STK32A: variants seen among roughly 807,000 people sequenced by gnomAD.
The protein encoded by STK32A is serine/threonine kinase 32A, also known as serine/threonine-protein kinase 32A.
A neutral mutation model predicts 53.2 loss-of-function variants in STK32A; 41 were observed. The observed-to-expected ratio is 0.77, with a 90% CI of 0.60 to 1.00. The LOEUF (loss-of-function observed/expected upper bound fraction) is 1.00, where lower values mean the gene tolerates loss of function less well. Among genes scored for constraint, STK32A ranks in the 50% least tolerant of loss-of-function variants. The probability of loss-of-function intolerance (pLI) is 0.00; values close to 1 mark genes in which losing one functional copy is unlikely to be tolerated. For synonymous variants in STK32A, 166 were observed against 162.8 expected, an observed-to-expected ratio of 1.02 and a Z score of -0.15; for missense variants, 458 against 485.8, an observed-to-expected ratio of 0.94 and a Z score of 0.54.
At chr5:147,396,537 T>C in the STK32A span, among the ~76,000 whole-genome samples, 1 of 152,126 alleles carries the variant, frequency 6.6e-6, no homozygotes, top group South Asian at 2.1e-4. Context: ...GGATGGATCA[T>C]CACAAGAAGT....
intron 5 of STK32A, among the ~76,000 whole-genome samples, chr5:147,339,872 GT>G (rs112811634): frequency 0.11 from 16,415 of 152,204 alleles, 2,913 homozygotes; most frequent in African/African-American, 0.37. Flanking sequence ...TATCTAAGAA[GT>G]AACTAACTTA....
chr5:147,295,969 T>A (rs923642306), intron 4 of STK32A, among the ~76,000 whole-genome samples: 13 of 152,240 alleles, frequency 8.5e-5, no homozygotes, highest in African/African-American at 3.1e-4. Flanking sequence ...AAGGTAGGAC[T>A]TGTATAGATT....
chr5:147,313,175 C>T (rs963757003), intron 4 of STK32A, among the ~76,000 whole-genome samples: 10 of 151,758 alleles, frequency 6.6e-5, no homozygotes, highest in East Asian at 1.9e-4. Flanking sequence ...GTGGAGGCTG[C>T]GGGGAACTAT....
At chr5:147,302,191 AT>A (rs1753173613) in intron 4 of STK32A, among the ~76,000 whole-genome samples, 1 of 152,028 alleles carries the variant, frequency 6.6e-6, no homozygotes, top group South Asian at 2.1e-4. Flanking sequence ...TTTTCCCTAT[AT>A]TTTTCAACAT....
chr5:147,341,509 T>C (rs1178114188), intron 5 of STK32A, among the ~76,000 whole-genome samples: 1 of 152,212 alleles, frequency 6.6e-6, no homozygotes, highest in Non-Finnish European at 1.5e-5. Flanking sequence ...GGCATTTTGC[T>C]TTGTTGCCCA....
At chr5:147,282,378 G>T (rs2151956551) in intron 4 of STK32A, among the ~76,000 whole-genome samples, 1 of 151,706 alleles carries the variant, frequency 6.6e-6, no homozygotes, top group African/African-American at 2.4e-5. Context: ...TTGGTTTTTT[G>T]GAAAAAAACC....
At chr5:147,300,407 G>C (rs1184129245) in intron 4 of STK32A, among the ~76,000 whole-genome samples, 2 of 152,138 alleles carry the variant, frequency 1.3e-5, no homozygotes, top group East Asian at 3.8e-4. Context: ...GTAAGGAACA[G>C]GATTTATTTC....
intron 2 of STK32A, among the ~76,000 whole-genome samples, chr5:147,262,340 G>T (rs1400898494): frequency 6.6e-6 from 1 of 152,028 alleles, no homozygotes; most frequent in East Asian, 1.9e-4. Context: ...CCCCTTATTT[G>T]AATGAGAATA....
At chr5:147,310,250 T>TCC (rs1196730327) in intron 4 of STK32A, among the ~76,000 whole-genome samples, 1 of 152,036 alleles carries the variant, frequency 6.6e-6, no homozygotes, top group Non-Finnish European at 1.5e-5. Context: ...ACTAGACGGG[T>TCC]AAAGGAACAT....
intron 5 of STK32A, among the ~76,000 whole-genome samples, chr5:147,333,421 G>A (rs1395734932): frequency 1.3e-5 from 2 of 152,164 alleles, no homozygotes; most frequent in Non-Finnish European, 2.9e-5. Flanking sequence ...TTTCCACTGT[G>A]ATATTCACAT....
chr5:147,339,174 C>A (rs924343732), intron 5 of STK32A, among the ~76,000 whole-genome samples: 7 of 152,288 alleles, frequency 4.6e-5, no homozygotes, highest in African/African-American at 1.4e-4. Context: ...GGGCCCAGGG[C>A]CTTGCTGCTT....
In STK32A at chr5:147,384,074, A is replaced by G; in HGVS notation, c.*91A>G. ...AGCTGACAGTAGTTCTTGCCACTCC[A>G]CACACCATGACTTAGAAAATGTGAA... On this transcript the variant is annotated 3_prime_UTR_variant, in exon 13 of 13. Coordinates refer to ENST00000397936, the MANE Select transcript of STK32A (RefSeq NM_001112724.2). 1 of 1,514,400 alleles carries G rather than the reference A, an allele frequency of 6.6e-7. No homozygotes were observed. The highest frequency in any genetic ancestry group is 1.4e-5 in the African/African-American group (1 of 69,748). 93.8% of individuals were successfully genotyped at this position (1,514,400 alleles called of 1,614,324 possible). A position where few individuals can be genotyped will look rare whatever the true frequency, so the allele number is the denominator to read the frequency against.
chr5:147,238,416 G>T (rs1753416420), intron 1 of STK32A, among the ~76,000 whole-genome samples: 1 of 152,156 alleles, frequency 6.6e-6, no homozygotes, highest in Non-Finnish European at 1.5e-5. Flanking sequence ...CATTCTAGAG[G>T]TGAGAGGTTA....
At chr5:147,290,291 T>A (rs1752540306) in intron 4 of STK32A, among the ~76,000 whole-genome samples, 1 of 152,070 alleles carries the variant, frequency 6.6e-6, no homozygotes, top group East Asian at 1.9e-4. Flanking sequence ...GCAGGGACGT[T>A]AAGGAGGAAA....
chr5:147,336,862 G>A lies in STK32A; in HGVS notation c.435-6144G>A, dbSNP rs532443166. Among the ~76,000 whole-genome samples the A allele has an allele frequency of 1.4e-4, 22 of 152,256 alleles. No individual in the cohort carries two copies. In the East Asian group the frequency reaches 3.9e-3, roughly 27 times the overall value. On this transcript the variant is annotated intron_variant, in intron 5 of 12. Coordinates refer to ENST00000397936, the MANE Select transcript of STK32A (RefSeq NM_001112724.2). ...TTCCCCTCTCCAGAACTTGGCGATG[G>A]CCCAATCTGAGAGACTGTTATGTGG...
rs968265400 is a variant in STK32A, at chr5:147,384,245, G to A, written c.*262G>A. Reference sequence around the variant, plus strand: ...GCTTTACTTTATTTATCTAAAATGAGAGGGTTATACTAGACGAGCCATACC... The same window carrying A: ...GCTTTACTTTATTTATCTAAAATGAAAGGGTTATACTAGACGAGCCATACC... On this transcript the variant is annotated 3_prime_UTR_variant, in exon 13 of 13. Coordinates refer to ENST00000397936, the MANE Select transcript of STK32A (RefSeq NM_001112724.2). 7.1e-5 allele frequency: 95 copies of A among 1,338,772 alleles called. No individual in the cohort carries two copies. The highest frequency in any genetic ancestry group is 8.9e-5 in the Non-Finnish European group (92 of 1,028,916). 82.9% of individuals were successfully genotyped at this position (1,338,772 alleles called of 1,614,324 possible). A position where few individuals can be genotyped will look rare whatever the true frequency, so the allele number is the denominator to read the frequency against.
At chr5:147,286,663 T>A (rs185890043) in intron 4 of STK32A, among the ~76,000 whole-genome samples, 1 of 152,304 alleles carries the variant, frequency 6.6e-6, no homozygotes, top group East Asian at 1.9e-4. Flanking sequence ...GGCAAGCATT[T>A]GTCAAATTCT....
intron 4 of STK32A, among the ~76,000 whole-genome samples, chr5:147,292,871 A>G (rs1183502438): frequency 6.6e-6 from 1 of 152,166 alleles, no homozygotes; most frequent in Non-Finnish European, 1.5e-5. Context: ...CAAAAAAAAA[A>G]AGAAAAATTT....
intron 7 of STK32A, among the ~76,000 whole-genome samples, chr5:147,360,475 A>AGAAAG (rs1561746504): frequency 3.9e-4 from 56 of 143,344 alleles, no homozygotes; most frequent in African/African-American, 1.5e-3. Flanking sequence ...AAAGAAAAAA[A>AGAAAG]AAAGAAAGAA....
Sources: gnomAD v4.1 joint callset for allele counts (sites outside exome capture counted in the v4.1 genomes callset) on GRCh38, gnomAD v4.1.1 for gene constraint, MANE v1.5 for transcripts, NCBI Gene and HGNC (gene_info 2026-07-23, HGNC 2026-07-21) for gene names.